ACTR3B: variants seen among roughly 807,000 people sequenced by gnomAD.
The protein encoded by ACTR3B is actin-related protein 3B.
Under a neutral mutation model 59.0 loss-of-function variants are expected in ACTR3B, and 8 were observed. That is an observed-to-expected ratio of 0.14 (90% confidence interval 0.08 to 0.24). The LOEUF (loss-of-function observed/expected upper bound fraction) is 0.24, where lower values mean the gene tolerates loss of function less well. Ranked by LOEUF, ACTR3B falls within the 10% of genes least tolerant of loss-of-function variation. The pLI is 1.00. For missense variants in ACTR3B, 245 were observed against 552.3 expected, an observed-to-expected ratio of 0.44 and a Z score of 5.58; for synonymous variants, 148 against 197.9, an observed-to-expected ratio of 0.75 and a Z score of 2.12.
chr7:152,765,282 T>C lies in ACTR3B; in HGVS notation c.44+5356T>C, dbSNP rs1590187485. On this transcript the variant is annotated intron_variant, in intron 1 of 11. Transcript: ENST00000256001. ...ACAGGCATGCGCCACTATGCCCGGC[T>C]AATTTTGTATTTTTAATAGAGACGG... 2.0e-5 allele frequency among the ~76,000 whole-genome samples: 3 copies of C among 152,086 alleles called. 1 individual carries two copies. The South Asian group carries it at 6.2e-4, about 32-fold the overall frequency.
chr7:152,795,594 G>A (rs2098213543), intron 2 of ACTR3B, among the ~76,000 whole-genome samples: 1 of 152,178 alleles, frequency 6.6e-6, no homozygotes, highest in African/African-American at 2.4e-5. Flanking sequence ...CAGGGTAAAT[G>A]CTTTAGCTCA....
intron 2 of ACTR3B, among the ~76,000 whole-genome samples, chr7:152,792,853 G>GTGTT (rs1434403672): frequency 6.6e-6 from 1 of 152,092 alleles, no homozygotes; most frequent in Non-Finnish European, 1.5e-5. Context: ...TTGACAAATT[G>GTGTT]TGTTAGTTTT....
intron 7 of ACTR3B, among the ~76,000 whole-genome samples, chr7:152,822,716 G>A (rs1796270543): frequency 6.6e-6 from 1 of 152,242 alleles, no homozygotes; most frequent in Admixed American, 6.5e-5. Context: ...CAATAAATCT[G>A]TGTTGATTGA....
At chr7:152,769,912 T>G (rs1258759514) in intron 1 of ACTR3B, among the ~76,000 whole-genome samples, 3 of 151,960 alleles carry the variant, frequency 2.0e-5, no homozygotes, top group Admixed American at 2.0e-4. Context: ...AAAAAAATTA[T>G]TAGTAGTCAA....
At chr7:152,828,286 A>T (rs1397778617) in intron 9 of ACTR3B, among the ~76,000 whole-genome samples, 1 of 151,834 alleles carries the variant, frequency 6.6e-6, no homozygotes, top group African/African-American at 2.4e-5. Context: ...CTCTGCTCAC[A>T]GCCCAGGGTA....
At chr7:152,797,015 G>A (rs2098219683) in intron 2 of ACTR3B, among the ~76,000 whole-genome samples, 1 of 151,538 alleles carries the variant, frequency 6.6e-6, no homozygotes, top group African/African-American at 2.4e-5. Flanking sequence ...ACTGTGCCCG[G>A]CCTAGAAACA....
At chr7:152,788,769 C>T (rs147435080) in intron 2 of ACTR3B, among the ~76,000 whole-genome samples, 4,309 of 151,976 alleles carry the variant, frequency 0.028, 17 homozygotes, top group Middle Eastern at 0.092. Context: ...ACCTGTAATT[C>T]CAGCATTTTG....
rs1798858328 is a variant in ACTR3B at position 152,852,168 on chromosome 7, G to A, written c.994G>A (p.Gly332Arg). ...SGGSTMFRDF[G>R]RRLQRDLKRV... The stretch of plus-strand genomic sequence containing the variant: ...AGGCTCCACCATGTTCAGGGATTTC[G>A]GACGCCGACTGCAGAGGGATTTGAA... Residue 332 changes from glycine (G) to arginine (R), a missense_variant, in exon 10 of 12, where the codon GGA becomes AGA. Physicochemically the swap from Gly to Arg is moderately radical, Grantham distance 125. This residue lies in a region of ACTR3B where 153 missense variants were observed against 266.2 expected (regional missense o/e 0.57). Transcript: ENST00000256001. 3 of 1,614,018 alleles carry A rather than the reference G, an allele frequency of 1.9e-6. No individual in the cohort carries two copies. The highest frequency in any genetic ancestry group is 2.5e-6 in the Non-Finnish European group (3 of 1,179,992).
At chr7:152,783,268 T>G (rs1435190172) in intron 2 of ACTR3B, 26 bp downstream of exon 2, 1 of 1,390,846 alleles carries the variant, frequency 7.2e-7, no homozygotes, top group African/African-American at 1.4e-5. Context: ...TCCTTGGGTT[T>G]ATAAAGGTTT....
In ACTR3B at chr7:152,801,222, G is replaced by A. The variant is rs1219703918; in HGVS notation, c.226-399G>A. Among the ~76,000 whole-genome samples, 4 of 152,380 alleles carry A rather than the reference G, an allele frequency of 2.6e-5. No individual in the cohort carries two copies. In the East Asian group the frequency reaches 7.7e-4, roughly 29 times the overall value. On this transcript the variant is annotated intron_variant, in intron 3 of 11. Coordinates refer to ENST00000256001, the MANE Select transcript of ACTR3B (RefSeq NM_020445.6). ...AACTTCCCAAGTAGGTGGGACTACA[G>A]GCACGCACCACCAAGCCTGGCTGAT...
chr7:152,852,288 A>C, intron 10 of ACTR3B, 37 bp downstream of exon 10: 4 of 1,516,546 alleles, frequency 2.6e-6, no homozygotes, highest in Non-Finnish European at 3.5e-6. Context: ...GCCTGGGGCT[A>C]TTGCCCCAGG....
At chr7:152,785,379 G>GAGAGAGA (rs779712172) in intron 2 of ACTR3B, among the ~76,000 whole-genome samples, 2 of 7,572 alleles carry the variant, frequency 2.6e-4, no homozygotes, top group Non-Finnish European at 5.8e-4. Flanking sequence ...TTTGTTGTGA[G>GAGAGAGA]GGGGGGGGGA....
At chr7:152,791,005 A>G (rs1439034254) in intron 2 of ACTR3B, among the ~76,000 whole-genome samples, 1 of 151,764 alleles carries the variant, frequency 6.6e-6, no homozygotes, top group Non-Finnish European at 1.5e-5. Flanking sequence ...TGTTAGAAAA[A>G]ATAATTGTTC....
intron 9 of ACTR3B, among the ~76,000 whole-genome samples, chr7:152,829,442 G>GT (rs1796849462): frequency 6.6e-6 from 1 of 152,142 alleles, no homozygotes; most frequent in Non-Finnish European, 1.5e-5. Context: ...AAGCAAAACA[G>GT]TTTTTTTAGA....
At chr7:152,780,919 C>T (rs1417076698) in intron 1 of ACTR3B, among the ~76,000 whole-genome samples, 1 of 147,224 alleles carries the variant, frequency 6.8e-6, no homozygotes, top group Non-Finnish European at 1.5e-5. Context: ...AGTCATAGTT[C>T]ACTGCAACCT....
chr7:152,829,133 A>T (rs1039979737), intron 9 of ACTR3B, among the ~76,000 whole-genome samples: 3 of 152,002 alleles, frequency 2.0e-5, no homozygotes, highest in African/African-American at 7.3e-5. Context: ...TGATACAGGT[A>T]TGTACATCGT....
At chr7:152,835,995 AC>A (rs201680019) in intron 9 of ACTR3B, among the ~76,000 whole-genome samples, 3,848 of 149,090 alleles carry the variant, frequency 0.026, 55 homozygotes, top group African/African-American at 0.059. Flanking sequence ...TTGCGCTCTC[AC>A]AGAGGAGTCA....
At chr7:152,853,301 G>A (rs536940796) in intron 10 of ACTR3B, among the ~76,000 whole-genome samples, 193 bp from the exon 11 acceptor site, 138 of 152,216 alleles carry the variant, frequency 9.1e-4, no homozygotes, top group African/African-American at 3.2e-3. Flanking sequence ...GAGCGCTGGG[G>A]GCTGGGATTC....
At chr7:152,814,341 G>A (rs1472335623) in intron 4 of ACTR3B, 3 of 472,814 alleles carry the variant, frequency 6.3e-6, no homozygotes, top group Non-Finnish European at 1.1e-5. Context: ...AAGAACAGAG[G>A]CCTTCAGAGA....
Sources: gnomAD v4.1 joint callset for allele counts (sites outside exome capture counted in the v4.1 genomes callset) on GRCh38, gnomAD v4.1.1 for gene constraint, gnomAD v4.1.1 regional missense constraint, MANE v1.5 for transcripts, NCBI Gene and HGNC (gene_info 2026-07-23, HGNC 2026-07-21) for gene names.